The following EXOC4 variants were observed in gnomAD, a reference collection of about 807,000 sequenced individuals.
EXOC4 encodes the protein SEC8-like 1.
EXOC4 carries 71 observed loss-of-function variants against 107.2 expected under a neutral mutation model. That is an observed-to-expected ratio of 0.66 (90% CI 0.55 to 0.81). EXOC4 has a LOEUF of 0.81. Among genes scored for constraint, EXOC4 ranks in the 30% least tolerant of loss-of-function variants. EXOC4 has a pLI of 0.00. For synonymous variants in EXOC4, 456 were observed against 441.2 expected (o/e 1.03, Z -0.42); for missense variants, 1,108 against 1,189.6 (o/e 0.93, Z 1.01).
chr7:134,019,095 A>G (rs1027785110), intron 17 of EXOC4, among the ~76,000 whole-genome samples: 6 of 151,972 alleles, frequency 3.9e-5, no homozygotes, highest in African/African-American at 1.5e-4. Flanking sequence ...ACACCCGGCT[A>G]ATTTTTGTAT....
At chr7:133,935,224 G>C (rs777884444) in intron 13 of EXOC4, among the ~76,000 whole-genome samples, 1 of 151,930 alleles carries the variant, frequency 6.6e-6, no homozygotes, top group Non-Finnish European at 1.5e-5. Context: ...AGTTGCCGTG[G>C]CTTCATTCCA....
At chr7:134,087,760 G>T in the EXOC4 span, among the ~76,000 whole-genome samples, 1 of 152,112 alleles carries the variant, frequency 6.6e-6, no homozygotes, top group South Asian at 2.1e-4. Context: ...GATGAGACTA[G>T]AATTTAATAA....
intron 17 of EXOC4, among the ~76,000 whole-genome samples, chr7:134,030,701 C>T (rs1345897055): frequency 1.4e-5 from 2 of 142,332 alleles, no homozygotes; most frequent in Non-Finnish European, 3.1e-5. Context: ...ACCCCCCCGC[C>T]CCGAGTAGAG....
intron 1 of EXOC4, among the ~76,000 whole-genome samples, chr7:133,263,339 A>G (rs115123160): frequency 0.013 from 1,909 of 151,770 alleles, 33 homozygotes; most frequent in African/African-American, 0.044. Context: ...TTTCTGAGAT[A>G]AACATTATAT....
chr7:133,315,371 A>G (rs1261270460), intron 4 of EXOC4: 3 of 152,270 alleles, frequency 2.0e-5, no homozygotes, highest in African/African-American at 7.2e-5. Flanking sequence ...GGTATTGTCG[A>G]TGCTCTGGAA....
intron 6 of EXOC4, among the ~76,000 whole-genome samples, chr7:133,363,101 T>C (rs1012665777): frequency 3.0e-4 from 45 of 152,186 alleles, no homozygotes; most frequent in Non-Finnish European, 6.2e-4. Flanking sequence ...TGATTATGAT[T>C]CCATTTGATT....
chr7:133,334,408 T>C (rs1403224939), intron 5 of EXOC4, among the ~76,000 whole-genome samples: 1 of 152,242 alleles, frequency 6.6e-6, no homozygotes, highest in Non-Finnish European at 1.5e-5. Context: ...AGATACTCCT[T>C]TATACTTTGC....
downstream of EXOC4, among the ~76,000 whole-genome samples, chr7:134,069,938 G>A (rs1339124979): frequency 2.0e-5 from 3 of 152,192 alleles, no homozygotes; most frequent in African/African-American, 7.2e-5. Context: ...CCAGGGGCCA[G>A]CTCCAAGCCA....
chr7:133,488,131 A>G (rs1799304612), intron 9 of EXOC4, among the ~76,000 whole-genome samples: 1 of 152,206 alleles, frequency 6.6e-6, no homozygotes, highest in Non-Finnish European at 1.5e-5. Flanking sequence ...GGATCCTTTT[A>G]GGAATACTAA....
At chr7:133,613,883 A>G (rs1802129085) in intron 9 of EXOC4, among the ~76,000 whole-genome samples, 1 of 152,204 alleles carries the variant, frequency 6.6e-6, no homozygotes, top group Non-Finnish European at 1.5e-5. Context: ...TTCCAGATAT[A>G]GGGAAGTCAT....
intron 7 of EXOC4, among the ~76,000 whole-genome samples, chr7:133,399,268 T>C (rs1797036942): frequency 1.3e-5 from 2 of 152,324 alleles, no homozygotes; most frequent in South Asian, 2.1e-4. Context: ...GTACAGATTA[T>C]ATATATATCT....
chr7:133,342,098 G>T (rs113264557), intron 5 of EXOC4, among the ~76,000 whole-genome samples: 10 of 145,254 alleles, frequency 6.9e-5, no homozygotes, highest in Admixed American at 3.4e-4. Flanking sequence ...GAATACCTTG[G>T]TTTTTTTTTT....
intron 10 of EXOC4, chr7:133,727,297 A>T (rs929560676): frequency 6.4e-6 from 1 of 156,292 alleles, no homozygotes; most frequent in African/African-American, 2.4e-5. Flanking sequence ...TGCCAATGCA[A>T]TGGCTAATCT....
At chr7:134,083,441 C>G in the EXOC4 span, among the ~76,000 whole-genome samples, 1 of 152,204 alleles carries the variant, frequency 6.6e-6, no homozygotes, top group South Asian at 2.1e-4. Context: ...GTTATTCTAT[C>G]TCATGATACC....
At chr7:133,828,624 G>T (rs961922246) in intron 11 of EXOC4, among the ~76,000 whole-genome samples, 1 of 152,148 alleles carries the variant, frequency 6.6e-6, no homozygotes, top group African/African-American at 2.4e-5. Context: ...GCTTTTCAAG[G>T]ATCCTGCCCT....
intron 9 of EXOC4, among the ~76,000 whole-genome samples, chr7:133,530,550 C>T (rs181352264): frequency 6.6e-6 from 1 of 152,294 alleles, no homozygotes; most frequent in African/African-American, 2.4e-5. Context: ...CCCATGGAAC[C>T]ATCACTGTAT....
At position 133,374,830 on chromosome 7, in the gene EXOC4, T is replaced by G; in HGVS notation, c.1010T>G (p.Leu337Trp). The G allele has an allele frequency of 6.2e-7, 1 of 1,611,754 alleles. No homozygotes were observed. Residue 337 changes from leucine to tryptophan, a missense_variant and splice_region_variant, in exon 7 of 18, where the codon TTG (leucine) becomes TGG (tryptophan). By Grantham distance (61) the Leu-to-Trp change is moderately conservative. Coordinates refer to ENST00000253861, the MANE Select transcript of EXOC4 (RefSeq NM_021807.4). ...TATTTATTTGTTTATGCCACTAGGT[T>G]GCTTCTAGAACTGCTGGAGTTACTG... ...ENVTVENQPR[L>W]LLELLELLFD...
intron 1 of EXOC4, among the ~76,000 whole-genome samples, chr7:133,274,283 A>G (rs1384426962): frequency 6.6e-6 from 1 of 152,212 alleles, no homozygotes; most frequent in African/African-American, 2.4e-5. Context: ...AGGTCATTCA[A>G]ATGAGCTTTT....
At chr7:133,696,701 A>G (rs1029023559) in intron 10 of EXOC4, among the ~76,000 whole-genome samples, 2 of 152,174 alleles carry the variant, frequency 1.3e-5, no homozygotes, top group Admixed American at 6.5e-5. Flanking sequence ...GATTTCTTAT[A>G]GCTGCTTTAG....
Sources: allele counts gnomAD v4.1 joint callset (sites outside exome capture counted in the v4.1 genomes callset), GRCh38; gene constraint gnomAD v4.1.1; transcripts MANE v1.5; gene names NCBI Gene and HGNC (gene_info 2026-07-23, HGNC 2026-07-21).